The following FSHR variants were observed in gnomAD, a reference collection of about 807,000 sequenced individuals.
The protein encoded by FSHR is follicle stimulating hormone receptor.
A neutral mutation model predicts 52.1 loss-of-function variants in FSHR; 46 were observed. The observed-to-expected ratio is 0.88, with a 90% CI of 0.70 to 1.13. The LOEUF is 1.13. Ranked by LOEUF, FSHR falls within the 50% of genes most tolerant of loss-of-function variation. The pLI, the probability that FSHR is intolerant of heterozygous loss-of-function variation, is 0.00. For missense variants in FSHR, 964 were observed against 834.6 expected (o/e 1.16, Z -1.91); for synonymous variants, 399 against 309.6 (o/e 1.29, Z -3.03).
intron 1 of FSHR, among the ~76,000 whole-genome samples, chr2:49,124,556 T>G (rs1198146244): frequency 6.6e-6 from 1 of 152,170 alleles, no homozygotes; most frequent in African/African-American, 2.4e-5. Flanking sequence ...GCTCCATTTT[T>G]TTTTCAATTG....
At chr2:48,996,896 G>T (rs72875944) in intron 4 of FSHR, among the ~76,000 whole-genome samples, 1 of 152,118 alleles carries the variant, frequency 6.6e-6, no homozygotes, top group Non-Finnish European at 1.5e-5. Flanking sequence ...TATATGAAAA[G>T]ACTCGCTACT....
intron 8 of FSHR, among the ~76,000 whole-genome samples, chr2:48,975,583 A>G (rs1474315528): frequency 6.6e-6 from 1 of 152,138 alleles, no homozygotes; most frequent in Non-Finnish European, 1.5e-5. Context: ...CAGCTTGCAG[A>G]TAGCCTATCA....
intron 1 of FSHR, among the ~76,000 whole-genome samples, chr2:49,085,656 C>T (rs1481953972): frequency 5.3e-5 from 8 of 152,136 alleles, no homozygotes; most frequent in Non-Finnish European, 1.0e-4. Flanking sequence ...TATAAAGACA[C>T]ATGCACACGT....
intron 1 of FSHR, 63 bp from the exon 2 acceptor site, chr2:49,068,353 T>A: frequency 7.4e-7 from 1 of 1,346,100 alleles, no homozygotes; most frequent in East Asian, 2.3e-5. Context: ...GAGTTGCTAA[T>A]GTATTCATAT....
intron 9 of FSHR, among the ~76,000 whole-genome samples, chr2:48,968,033 C>T (rs750056146): frequency 2.0e-5 from 3 of 152,282 alleles, no homozygotes; most frequent in Admixed American, 6.5e-5. Flanking sequence ...ATCTCCAAGG[C>T]GACTTTCTCT....
chr2:49,152,674 G>A (rs1209023675), intron 1 of FSHR, among the ~76,000 whole-genome samples: 1 of 152,108 alleles, frequency 6.6e-6, no homozygotes, highest in African/African-American at 2.4e-5. Context: ...TTTATCAACT[G>A]GATGACACTG....
intron 1 of FSHR, among the ~76,000 whole-genome samples, chr2:49,150,084 A>G (rs765817984): frequency 2.0e-5 from 3 of 151,996 alleles, no homozygotes; most frequent in Middle Eastern, 3.2e-3. Context: ...CTGCAGGAAG[A>G]ATAAAGTAAG....
chr2:49,043,745 G>T (rs1334224050), intron 2 of FSHR, among the ~76,000 whole-genome samples: 1 of 152,144 alleles, frequency 6.6e-6, no homozygotes, highest in Non-Finnish European at 1.5e-5. Context: ...TGAACATTCA[G>T]AGCTCAGTGG....
At chr2:49,096,516 T>A (rs917226474) in intron 1 of FSHR, among the ~76,000 whole-genome samples, 20 of 152,224 alleles carry the variant, frequency 1.3e-4, no homozygotes, top group Non-Finnish European at 2.4e-4. Flanking sequence ...ATGAAAATAT[T>A]TTGGGATTAG....
chr2:49,052,047 C>A (rs1668878768), intron 2 of FSHR, among the ~76,000 whole-genome samples: 1 of 151,942 alleles, frequency 6.6e-6, no homozygotes, highest in African/African-American at 2.4e-5. Flanking sequence ...AGAACAAAAT[C>A]AAACAAAGAA....
Position 49,069,559 on chromosome 2 carries a change from A to G in FSHR, c.153-1269T>C, listed in dbSNP as rs546864021. Among the ~76,000 whole-genome samples, 16 of 152,234 alleles carry G rather than the reference A, an allele frequency of 1.1e-4. No individual in the cohort carries two copies. The South Asian group carries it at 3.1e-3, about 30-fold the overall frequency. ...TCCTCCTAACTAGAATTCAAGTTCC[A>G]TGAGGGCAAAAATGTTTGCCTGATT... On this transcript the variant is annotated intron_variant, in intron 1 of 9. Transcript: ENST00000406846.
chr2:49,053,696 G>GA lies in FSHR; in HGVS notation c.224+14522dup, dbSNP rs373720103. On this transcript the variant is annotated intron_variant, in intron 2 of 9. Transcript: ENST00000406846. ...TTCTATTCCTGGTTCTTAAAAAAAA[G>GA]AAAAAAAACAGTCCTTTCCCTGTTG... Among the ~76,000 whole-genome samples, 16 of 151,752 alleles carry GA rather than the reference G, an allele frequency of 1.1e-4. No homozygotes were observed. In the East Asian group the frequency reaches 1.4e-3, roughly 13 times the overall value.
At chr2:49,101,430 C>G (rs1267787648) in intron 1 of FSHR, among the ~76,000 whole-genome samples, 1 of 151,868 alleles carries the variant, frequency 6.6e-6, no homozygotes, top group Non-Finnish European at 1.5e-5. Flanking sequence ...AGACTCTTGT[C>G]CACTGAGACT....
Position 49,019,317 on chromosome 2 carries a change from G to T in FSHR, c.299+769C>A, listed in dbSNP as rs1461721584. 2.6e-5 allele frequency among the ~76,000 whole-genome samples: 4 copies of T among 152,114 alleles called. No individual in the cohort carries two copies. In the East Asian group the frequency reaches 7.7e-4, roughly 29 times the overall value. On this transcript the variant is annotated intron_variant, in intron 3 of 9. Coordinates refer to ENST00000406846, the MANE Select transcript of FSHR (RefSeq NM_000145.4). The stretch of plus-strand genomic sequence containing the variant: ...TTAAAAATACCTTATAATTCCCTGA[G>T]TTTTTAGTGATACACAGAATATACT...
chr2:49,117,095 T>G (rs1221216436), intron 1 of FSHR, among the ~76,000 whole-genome samples: 2 of 152,186 alleles, frequency 1.3e-5, no homozygotes, highest in Admixed American at 6.5e-5. Context: ...TAGGCCTGGT[T>G]AGAGTTTGGC....
At chr2:49,093,186 G>A (rs1044256655) in intron 1 of FSHR, among the ~76,000 whole-genome samples, 3 of 152,108 alleles carry the variant, frequency 2.0e-5, no homozygotes, top group Non-Finnish European at 4.4e-5. Flanking sequence ...TTTGTAACAT[G>A]AACTGGGAAA....
chr2:49,106,520 TAC>T (rs1404503760), intron 1 of FSHR, among the ~76,000 whole-genome samples: 1 of 152,146 alleles, frequency 6.6e-6, no homozygotes. Context: ...TCTTCAGAGG[TAC>T]AGATTGAAAT....
chr2:49,127,830 C>CTCT (rs869083755), intron 1 of FSHR, among the ~76,000 whole-genome samples: 3 of 21,054 alleles, frequency 1.4e-4, no homozygotes, highest in African/African-American at 2.3e-4. Context: ...CTTCTTCTTC[C>CTCT]TCTTCTTCTT....
chr2:49,094,370 G>C (rs1257021322), intron 1 of FSHR, among the ~76,000 whole-genome samples: 1 of 152,064 alleles, frequency 6.6e-6, no homozygotes, highest in East Asian at 1.9e-4. Flanking sequence ...ATTTAAGAGG[G>C]GAGAAGAATA....
Sources: allele counts gnomAD v4.1 joint callset (sites outside exome capture counted in the v4.1 genomes callset), GRCh38; gene constraint gnomAD v4.1.1; transcripts MANE v1.5; gene names NCBI Gene and HGNC (gene_info 2026-07-23, HGNC 2026-07-21).